USP34: variants seen among roughly 807,000 people sequenced by gnomAD.
USP34 encodes the protein ubiquitin carboxyl-terminal hydrolase 34.
In USP34, 70 loss-of-function variants were observed where a neutral mutation model predicts 460.3. The ratio of observed to expected loss-of-function variants is 0.15; its 90% CI spans 0.13 to 0.19. USP34 has a LOEUF of 0.19. USP34 is among the 10% of genes least tolerant of loss of function. The pLI, the probability that USP34 is intolerant of heterozygous loss-of-function variation, is 1.00. For missense variants in USP34, 3,985 were observed against 4,236.2 expected (o/e 0.94, Z 1.65); for synonymous variants, 1,647 against 1,405.3 (o/e 1.17, Z -3.85).
At chr2:61,220,990 T>G (rs1687565577) in intron 66 of USP34, among the ~76,000 whole-genome samples, 1 of 152,194 alleles carries the variant, frequency 6.6e-6, no homozygotes, top group African/African-American at 2.4e-5. Flanking sequence ...ACTCATTTCT[T>G]GTCCATGATT....
chr2:61,408,577 G>A (rs992959648), intron 2 of USP34, among the ~76,000 whole-genome samples: 1 of 151,992 alleles, frequency 6.6e-6, no homozygotes, highest in African/African-American at 2.4e-5. Flanking sequence ...TTTTTCCTTT[G>A]ATGTTTAGGA....
intron 10 of USP34, among the ~76,000 whole-genome samples, chr2:61,356,645 C>G (rs886622588): frequency 6.6e-6 from 1 of 152,206 alleles, no homozygotes; most frequent in Non-Finnish European, 1.5e-5. Flanking sequence ...CCACTTATAT[C>G]AGAAACCTAG....
intron 5 of USP34, among the ~76,000 whole-genome samples, chr2:61,385,078 T>TG (rs1693094648): frequency 6.6e-6 from 1 of 152,146 alleles, no homozygotes. Flanking sequence ...ACCCTATATA[T>TG]GTTCTTTTCT....
At chr2:61,311,351 TTC>T (rs1323841726) in intron 27 of USP34, among the ~76,000 whole-genome samples, 187 bp downstream of exon 27, 3 of 152,072 alleles carry the variant, frequency 2.0e-5, no homozygotes, top group Admixed American at 2.0e-4. Context: ...ACTTCCCAAA[TTC>T]TGTTCTTTAC....
At chr2:61,266,467 T>C (rs1387998889) in intron 41 of USP34, among the ~76,000 whole-genome samples, 1 of 152,180 alleles carries the variant, frequency 6.6e-6, no homozygotes, top group Non-Finnish European at 1.5e-5. Context: ...AAGGCCTCAT[T>C]ATTCCCTTGA....
intron 18 of USP34, among the ~76,000 whole-genome samples, chr2:61,337,178 C>T (rs1691446658): frequency 6.6e-6 from 1 of 152,178 alleles, no homozygotes. Flanking sequence ...ATTCCAACCA[C>T]TCAGGGTAGC....
At chr2:61,194,306 C>CA (rs1686729888) in intron 75 of USP34, 1 of 985,282 alleles carries the variant, frequency 1.0e-6, no homozygotes, top group Non-Finnish European at 1.2e-6. Flanking sequence ...CATATACCCA[C>CA]CACGGTATCA....
chr2:61,444,978 G>A (rs1266864177), intron 1 of USP34, among the ~76,000 whole-genome samples: 1 of 150,152 alleles, frequency 6.7e-6, no homozygotes, highest in African/African-American at 2.5e-5. Context: ...AGAAGTAACA[G>A]TAAAACCGAT....
chr2:61,333,798 G>C, intron 19 of USP34, 84 bp downstream of exon 19: 1 of 934,092 alleles, frequency 1.1e-6, no homozygotes, highest in Non-Finnish European at 1.5e-6. Context: ...CAGAGTAAAA[G>C]CTTGTAGGTT....
At chr2:61,209,880 A>G (rs1356500806) in intron 69 of USP34, among the ~76,000 whole-genome samples, 6 of 152,068 alleles carry the variant, frequency 3.9e-5, no homozygotes, top group African/African-American at 1.4e-4. Context: ...GATGATCCCA[A>G]CCCTGCTAGG....
chr2:61,399,366 T>C (rs1294300019), intron 3 of USP34, among the ~76,000 whole-genome samples: 1 of 151,194 alleles, frequency 6.6e-6, no homozygotes, highest in Admixed American at 6.6e-5. Flanking sequence ...AAAAATTGAG[T>C]TCTATCCTGG....
At chr2:61,318,525 G>A (rs1028122295) in intron 22 of USP34, among the ~76,000 whole-genome samples, 6 of 152,118 alleles carry the variant, frequency 3.9e-5, no homozygotes, top group African/African-American at 4.8e-5. Flanking sequence ...TGGAGATAAC[G>A]TCACACTTTG....
At chr2:61,291,609 CACACACAT>C (rs1393365493) in intron 33 of USP34, among the ~76,000 whole-genome samples, 1 of 152,136 alleles carries the variant, frequency 6.6e-6, no homozygotes, top group African/African-American at 2.4e-5. Flanking sequence ...TATGTGTACA[CACACACAT>C]ACATGCATAC....
At chr2:61,281,366 C>A in intron 37 of USP34, 124 bp from the exon 38 acceptor site, 2 of 1,224,484 alleles carry the variant, frequency 1.6e-6, no homozygotes, top group Non-Finnish European at 2.2e-6. Context: ...AATCCCAGCA[C>A]TTTTGGAGGC....
At chr2:61,347,498 C>T (rs1002426087) in intron 15 of USP34, among the ~76,000 whole-genome samples, 7 of 152,124 alleles carry the variant, frequency 4.6e-5, no homozygotes. Flanking sequence ...CTCAGCCTCC[C>T]AAGTAGCTGG....
At chr2:61,236,975 G>A (rs1688087782) in intron 53 of USP34, among the ~76,000 whole-genome samples, 1 of 152,080 alleles carries the variant, frequency 6.6e-6, no homozygotes, top group Non-Finnish European at 1.5e-5. Context: ...TTATACTTCT[G>A]ATTTTATTTT....
At chr2:61,194,170 A>T (rs967569502) in intron 75 of USP34, 1 of 985,274 alleles carries the variant, frequency 1.0e-6, no homozygotes, top group African/African-American at 1.7e-5. Context: ...CTTACCAAGG[A>T]TGCCTAGGAT....
At chr2:61,457,882 C>T (rs1695483541) in intron 1 of USP34, among the ~76,000 whole-genome samples, 1 of 152,036 alleles carries the variant, frequency 6.6e-6, no homozygotes. Context: ...ACAAAAAGTA[C>T]CATTTTATGA....
At chr2:61,321,649 T>C (rs575890592) in intron 21 of USP34, among the ~76,000 whole-genome samples, 1 of 152,328 alleles carries the variant, frequency 6.6e-6, no homozygotes, top group Non-Finnish European at 1.5e-5. Context: ...AATACGAATT[T>C]TCACATAATT....
Sources: allele counts gnomAD v4.1 joint callset (sites outside exome capture counted in the v4.1 genomes callset), GRCh38; gene constraint gnomAD v4.1.1; transcripts MANE v1.5; gene names NCBI Gene and HGNC (gene_info 2026-07-23, HGNC 2026-07-21).